The following NUP98 variants were observed in gnomAD, a reference collection of about 807,000 sequenced individuals.
NUP98 encodes the protein nucleoporin 98 and 96 precursor.
NUP98 carries 26 observed loss-of-function variants against 191.9 expected under a neutral mutation model. The ratio of observed to expected loss-of-function variants is 0.14; its 90% confidence interval spans 0.10 to 0.19. The LOEUF (loss-of-function observed/expected upper bound fraction) is 0.19, where lower values mean the gene tolerates loss of function less well. Ranked by LOEUF, NUP98 falls within the 10% of genes least tolerant of loss-of-function variation. The probability of loss-of-function intolerance (pLI) is 1.00; values close to 1 mark genes in which losing one functional copy is unlikely to be tolerated. For synonymous variants in NUP98, 808 were observed against 778.4 expected (o/e 1.04, Z -0.63); for missense variants, 1,941 against 2,178.8 (o/e 0.89, Z 2.17).
At chr11:3,703,406 C>CA (rs2078769681) in intron 22 of NUP98, among the ~76,000 whole-genome samples, 1 of 152,026 alleles carries the variant, frequency 6.6e-6, no homozygotes, top group Admixed American at 6.6e-5. Flanking sequence ...TTAGTAGAGA[C>CA]AGAGTTTCAC....
intron 13 of NUP98, among the ~76,000 whole-genome samples, chr11:3,734,536 G>A (rs773946327): frequency 2.6e-5 from 4 of 152,124 alleles, no homozygotes; most frequent in African/African-American, 7.2e-5. Flanking sequence ...GAGGCAAAAT[G>A]ACTTTCTCAT....
chr11:3,730,755 T>C (rs967207399), intron 14 of NUP98, among the ~76,000 whole-genome samples: 4 of 152,116 alleles, frequency 2.6e-5, no homozygotes, highest in Non-Finnish European at 4.4e-5. Flanking sequence ...TGAGCAGTAA[T>C]TGCACCACTG....
chr11:3,781,976 G>GCCCC, intron 2 of NUP98, 66 bp downstream of exon 2: 1 of 1,026,150 alleles, frequency 9.7e-7, no homozygotes, highest in Non-Finnish European at 1.5e-6. Flanking sequence ...AAGCTTATCA[G>GCCCC]AGTGGATTTG....
At chr11:3,716,329 G>C (rs867502766) in intron 18 of NUP98, among the ~76,000 whole-genome samples, 4 of 151,532 alleles carry the variant, frequency 2.6e-5, no homozygotes, top group Non-Finnish European at 5.9e-5. Flanking sequence ...GTCTTCTCCC[G>C]ATCAAATAAT....
chr11:3,725,782 A>G (rs538976197), intron 14 of NUP98, among the ~76,000 whole-genome samples: 2 of 152,230 alleles, frequency 1.3e-5, no homozygotes, highest in Non-Finnish European at 2.9e-5. Flanking sequence ...AATGCAAATG[A>G]TCGATCACAA....
In NUP98 at chr11:3,759,924, A is replaced by G. The variant is rs377695719; in HGVS notation, c.1174+615T>C. Among the ~76,000 whole-genome samples the G allele has an allele frequency of 2.6e-5, 4 of 152,090 alleles. No individual in the cohort carries two copies. In the South Asian group the frequency reaches 8.3e-4, roughly 32 times the overall value. ...CAATTCACAAGTGTGATCATAGCAC[A>G]CTGCAGCCTTGAACTCCTAAGTGAT... is the stretch of plus-strand genomic sequence containing the variant. On this transcript the variant is annotated intron_variant, in intron 10 of 32. Coordinates refer to ENST00000324932, the MANE Select transcript of NUP98 (RefSeq NM_016320.5).
Position 3,793,236 on chromosome 11 carries a change from C to T in NUP98, c.-29+4164G>A, listed in dbSNP as rs896244430. On this transcript the variant is annotated intron_variant, in intron 1 of 32. Transcript: ENST00000324932. ...TCTGTATGAGGCTAGATTTTCTTCA[C>T]ATACTTCAAACAAAACAACATAATA... Among the ~76,000 whole-genome samples, 6 of 152,298 alleles carry T rather than the reference C, an allele frequency of 3.9e-5. No homozygotes were observed. In the East Asian group the frequency reaches 1.2e-3, roughly 29 times the overall value.
chr11:3,705,929 C>T (rs917730239), intron 21 of NUP98, among the ~76,000 whole-genome samples: 4 of 149,420 alleles, frequency 2.7e-5, no homozygotes, highest in African/African-American at 5.0e-5. Context: ...GCGGGCAGAT[C>T]ACCTGAGGTC....
chr11:3,746,630 G>A (rs1410383997), intron 11 of NUP98, among the ~76,000 whole-genome samples: 3 of 151,782 alleles, frequency 2.0e-5, no homozygotes, highest in Non-Finnish European at 4.4e-5. Flanking sequence ...AAGGTACTGT[G>A]GGCTGGGCGC....
chr11:3,744,671 A>T (rs2080425747), intron 11 of NUP98, 22 bp from the exon 12 acceptor site: 2 of 1,588,012 alleles, frequency 1.3e-6, no homozygotes, highest in African/African-American at 2.7e-5. Flanking sequence ...AGAGGAAAGA[A>T]AAAAGCACCA....
chr11:3,725,562 A>G (rs928779023), intron 14 of NUP98, among the ~76,000 whole-genome samples: 1 of 152,158 alleles, frequency 6.6e-6, no homozygotes, highest in Non-Finnish European at 1.5e-5. Context: ...TCATCTGTAT[A>G]CTCTCCAAAT....
intron 24 of NUP98, among the ~76,000 whole-genome samples, chr11:3,699,827 T>G (rs772155948): frequency 1.4e-4 from 21 of 152,206 alleles, no homozygotes; most frequent in Non-Finnish European, 2.1e-4. Context: ...GCATAGGACA[T>G]TCTAAAACAG....
intron 12 of NUP98, among the ~76,000 whole-genome samples, chr11:3,742,254 G>A (rs921578971): frequency 6.6e-6 from 1 of 152,088 alleles, no homozygotes; most frequent in African/African-American, 2.4e-5. Flanking sequence ...GAAACTCCAA[G>A]GGGAAAAAAT....
chr11:3,738,375 A>C (rs1402760293), intron 12 of NUP98, among the ~76,000 whole-genome samples: 7 of 152,336 alleles, frequency 4.6e-5, no homozygotes, highest in Admixed American at 2.6e-4. Context: ...CAAAAAACTA[A>C]ATCATAACCA....
intron 31 of NUP98, among the ~76,000 whole-genome samples, chr11:3,677,888 T>C (rs532835671): frequency 2.0e-5 from 3 of 152,196 alleles, no homozygotes; most frequent in African/African-American, 7.2e-5. Flanking sequence ...AGGATAATAA[T>C]AGATAACAAT....
At chr11:3,787,236 T>G (rs536811585) in intron 1 of NUP98, among the ~76,000 whole-genome samples, 4 of 152,306 alleles carry the variant, frequency 2.6e-5, no homozygotes, top group African/African-American at 9.6e-5. Flanking sequence ...TTTTACAGTA[T>G]CCTCCCTAGG....
intron 31 of NUP98, 139 bp from the exon 32 acceptor site, chr11:3,676,759 C>T: frequency 1.3e-6 from 1 of 778,710 alleles, no homozygotes; most frequent in African/African-American, 1.7e-5. Context: ...AGGGCCAAGC[C>T]ACCACCATCT....
chr11:3,776,545 G>A (rs1023551325), intron 4 of NUP98, among the ~76,000 whole-genome samples: 1 of 149,232 alleles, frequency 6.7e-6, no homozygotes, highest in Non-Finnish European at 1.5e-5. Flanking sequence ...GTGCAGTGGC[G>A]TGATCTCAGC....
chr11:3,752,847 G>A (rs1262405083), intron 11 of NUP98, among the ~76,000 whole-genome samples: 1 of 152,184 alleles, frequency 6.6e-6, no homozygotes, highest in Non-Finnish European at 1.5e-5. Flanking sequence ...TTAACAGTAG[G>A]AATCAGGGAA....
Sources: allele counts gnomAD v4.1 joint callset (sites outside exome capture counted in the v4.1 genomes callset), GRCh38; gene constraint gnomAD v4.1.1; transcripts MANE v1.5; gene names NCBI Gene and HGNC (gene_info 2026-07-23, HGNC 2026-07-21).